Variants in SRGAP1 observed in about 807,000 individuals in gnomAD.
The protein encoded by SRGAP1 is SLIT-ROBO Rho GTPase activating protein 1.
A neutral mutation model predicts 121.9 loss-of-function variants in SRGAP1; 43 were observed. The ratio of observed to expected loss-of-function variants is 0.35; its 90% confidence interval spans 0.28 to 0.46. The LOEUF (loss-of-function observed/expected upper bound fraction) is 0.46. SRGAP1 is among the 20% of genes least tolerant of loss of function. The probability of loss-of-function intolerance (pLI) is 1.00; values close to 1 mark genes in which losing one functional copy is unlikely to be tolerated. For synonymous variants in SRGAP1, 447 were observed against 485.4 expected (o/e 0.92, Z 1.04); for missense variants, 1,102 against 1,350.9 (o/e 0.82, Z 2.89).
At chr12:63,965,889 G>T (rs1189195954) in intron 1 of SRGAP1, among the ~76,000 whole-genome samples, 1 of 152,158 alleles carries the variant, frequency 6.6e-6, no homozygotes, top group Non-Finnish European at 1.5e-5. Flanking sequence ...CACCATCTCA[G>T]CTCACTGCAA....
chr12:64,059,095 CAGTT>C (rs1331833571), intron 6 of SRGAP1, among the ~76,000 whole-genome samples: 2 of 152,058 alleles, frequency 1.3e-5, no homozygotes, highest in African/African-American at 2.4e-5. Flanking sequence ...GCTCCTCTAT[CAGTT>C]AGTAAGCCAC....
intron 1 of SRGAP1, among the ~76,000 whole-genome samples, chr12:63,923,340 C>T (rs572649884): frequency 6.6e-6 from 1 of 152,084 alleles, no homozygotes; most frequent in African/African-American, 2.4e-5. Flanking sequence ...TTATAACGGC[C>T]GTACTTACAA....
intron 15 of SRGAP1, among the ~76,000 whole-genome samples, chr12:64,101,345 G>C (rs1281521941): frequency 6.7e-6 from 1 of 150,342 alleles, no homozygotes; most frequent in African/African-American, 2.5e-5. Flanking sequence ...GTGTGTGTGT[G>C]TGTGTGATGA....
intron 1 of SRGAP1, among the ~76,000 whole-genome samples, chr12:63,914,070 T>C (rs2030672966): frequency 6.6e-6 from 1 of 152,210 alleles, no homozygotes; most frequent in Admixed American, 6.5e-5. Context: ...GTAATGAATT[T>C]GTTGTTCAGA....
chr12:64,018,437 G>T (rs763393427), intron 4 of SRGAP1, among the ~76,000 whole-genome samples: 1 of 151,994 alleles, frequency 6.6e-6, no homozygotes, highest in African/African-American at 2.4e-5. Flanking sequence ...TTGAAAGCAC[G>T]TTTCTTGATT....
chr12:63,924,884 A>T (rs915140685), intron 1 of SRGAP1, among the ~76,000 whole-genome samples: 1 of 152,206 alleles, frequency 6.6e-6, no homozygotes, highest in Non-Finnish European at 1.5e-5. Flanking sequence ...GGGCAATGTG[A>T]ATTTGCCAAA....
rs1250740211 is a variant in SRGAP1 at position 64,149,014 on chromosome 12, G to A, written c.*6342G>A. On this transcript the variant is annotated 3_prime_UTR_variant, in exon 22 of 22. Coordinates refer to ENST00000355086, the MANE Select transcript of SRGAP1 (RefSeq NM_020762.4). ...GTTGAAATGTATGTTTGTAAGAGTC[G>A]TCATTGTTAGTAAAATAGTGGTTTT... 4 of 152,244 alleles carry A rather than the reference G, an allele frequency of 2.6e-5. No individual in the cohort carries two copies. Among genetic ancestry groups the A allele is most frequent in the South Asian group, 2.1e-4 (1 of 4,816 alleles). The allele number at this position is 152,244 out of a possible 1,614,324, so 9.4% of individuals were successfully genotyped here.
At chr12:63,875,981 C>G (rs1900017012) in intron 1 of SRGAP1, among the ~76,000 whole-genome samples, 1 of 152,168 alleles carries the variant, frequency 6.6e-6, no homozygotes, top group Non-Finnish European at 1.5e-5. Flanking sequence ...TTTATTGTAT[C>G]TCTCTGTGAC....
intron 1 of SRGAP1, among the ~76,000 whole-genome samples, chr12:63,949,521 G>A (rs1207379706): frequency 6.0e-5 from 9 of 150,854 alleles, no homozygotes; most frequent in Admixed American, 5.9e-4. Flanking sequence ...TCTGCCTCCC[G>A]GGTTTGCGCC....
intron 21 of SRGAP1, among the ~76,000 whole-genome samples, chr12:64,129,682 C>T (rs2036752748): frequency 6.6e-6 from 1 of 152,138 alleles, no homozygotes; most frequent in Admixed American, 6.5e-5. Context: ...TTTCCTATAA[C>T]CGGAAACACA....
At chr12:64,060,214 T>G (rs533319640) in intron 6 of SRGAP1, among the ~76,000 whole-genome samples, 1 of 149,852 alleles carries the variant, frequency 6.7e-6, no homozygotes, top group Non-Finnish European at 1.5e-5. Context: ...TCTTTTTTTT[T>G]TTTTTCCTTT....
intron 12 of SRGAP1, 88 bp downstream of exon 12, chr12:64,091,466 G>A: frequency 1.2e-6 from 1 of 828,434 alleles, no homozygotes. Flanking sequence ...AGGTCATTAT[G>A]TCCAAGTCTG....
intron 3 of SRGAP1, among the ~76,000 whole-genome samples, chr12:63,997,979 G>A (rs367629364): frequency 6.6e-6 from 1 of 152,120 alleles, no homozygotes. Context: ...TTCAAGCAGA[G>A]CCTATCACTC....
chr12:64,099,499 C>G (rs1394392169), intron 15 of SRGAP1, among the ~76,000 whole-genome samples: 1 of 152,124 alleles, frequency 6.6e-6, no homozygotes, highest in Non-Finnish European at 1.5e-5. Context: ...GCATCAGTGC[C>G]TAGAGTCTTG....
chr12:64,084,630 CAA>C (rs1034426340), intron 10 of SRGAP1, among the ~76,000 whole-genome samples: 18 of 152,132 alleles, frequency 1.2e-4, no homozygotes, highest in Non-Finnish European at 2.2e-4. Flanking sequence ...GTTCATTATT[CAA>C]AATGTATCTT....
At chr12:63,919,791 G>T (rs1477592463) in intron 1 of SRGAP1, among the ~76,000 whole-genome samples, 1 of 151,972 alleles carries the variant, frequency 6.6e-6, no homozygotes, top group Admixed American at 6.6e-5. Context: ...GTTTTGATTT[G>T]TAAAAATAGT....
chr12:63,865,270 A>G (rs1191909246), intron 1 of SRGAP1, among the ~76,000 whole-genome samples: 1 of 152,068 alleles, frequency 6.6e-6, no homozygotes, highest in African/African-American at 2.4e-5. Flanking sequence ...GGAGTTCGAG[A>G]CCAGCCCAGC....
chr12:63,907,072 G>T (rs1030070416), intron 1 of SRGAP1, among the ~76,000 whole-genome samples: 1 of 152,138 alleles, frequency 6.6e-6, no homozygotes, highest in Non-Finnish European at 1.5e-5. Flanking sequence ...ACCACTACTT[G>T]TTATTATCTG....
chr12:63,875,033 A>T (rs1363326065), intron 1 of SRGAP1, among the ~76,000 whole-genome samples: 2 of 152,140 alleles, frequency 1.3e-5, no homozygotes, highest in Admixed American at 6.5e-5. Flanking sequence ...CTCCCACCTC[A>T]GCCTCCTGAG....
Sources: gnomAD v4.1 joint callset for allele counts (sites outside exome capture counted in the v4.1 genomes callset) on GRCh38, gnomAD v4.1.1 for gene constraint, MANE v1.5 for transcripts, NCBI Gene and HGNC (gene_info 2026-07-23, HGNC 2026-07-21) for gene names.